STAG1: variants seen among roughly 807,000 people sequenced by gnomAD.
STAG1 encodes the protein STAG1 cohesin complex component, also known as cohesin subunit SA-1.
STAG1 carries 26 observed loss-of-function variants against 170.9 expected under a neutral mutation model. The observed-to-expected ratio is 0.15, with a 90% confidence interval of 0.11 to 0.21. The LOEUF (loss-of-function observed/expected upper bound fraction) is 0.21, where lower values mean the gene tolerates loss of function less well. STAG1 is among the 10% of genes least tolerant of loss of function. The pLI is 1.00. For missense variants in STAG1, 964 were observed against 1,509.5 expected (o/e 0.64, Z 5.99); for synonymous variants, 514 against 497.7 (o/e 1.03, Z -0.44).
At chr3:136,518,289 G>C (rs956200643) in intron 7 of STAG1, 2 of 639,980 alleles carry the variant, frequency 3.1e-6, no homozygotes, top group African/African-American at 1.8e-5. Context: ...GCAATGTCAA[G>C]GAGCATTTTA....
chr3:136,519,376 G>C (rs572424646), intron 7 of STAG1, among the ~76,000 whole-genome samples: 2 of 152,102 alleles, frequency 1.3e-5, no homozygotes, highest in South Asian at 4.1e-4. Context: ...CTTTTAAATG[G>C]TCATTTCACA....
intron 7 of STAG1, among the ~76,000 whole-genome samples, chr3:136,519,842 G>A (rs1934582428): frequency 6.6e-6 from 1 of 151,962 alleles, no homozygotes; most frequent in Non-Finnish European, 1.5e-5. Context: ...TATGAACTGT[G>A]TCTGATGTAT....
At chr3:136,521,460 G>T in intron 6 of STAG1, 43 bp from the exon 7 acceptor site, 1 of 1,564,436 alleles carries the variant, frequency 6.4e-7, no homozygotes, top group South Asian at 1.2e-5. Context: ...TCACATTACA[G>T]AGTTTGATGA....
intron 14 of STAG1, among the ~76,000 whole-genome samples, chr3:136,446,554 C>G (rs987135927): frequency 6.6e-6 from 1 of 151,934 alleles, no homozygotes; most frequent in African/African-American, 2.4e-5. Flanking sequence ...TCCCGAGTAG[C>G]TGAGATGACA....
chr3:136,691,143 C>CA (rs113062770), intron 1 of STAG1, among the ~76,000 whole-genome samples: 9 of 151,158 alleles, frequency 6.0e-5, no homozygotes, highest in South Asian at 4.2e-4. Flanking sequence ...ACAAAAAATA[C>CA]AAAAAAAATT....
chr3:136,686,765 C>G (rs1942545185), intron 1 of STAG1, among the ~76,000 whole-genome samples: 1 of 152,104 alleles, frequency 6.6e-6, no homozygotes, highest in South Asian at 2.1e-4. Flanking sequence ...TGTGTTTTTA[C>G]TTTTCCAGAG....
intron 1 of STAG1, among the ~76,000 whole-genome samples, chr3:136,686,071 G>C (rs1164005429): frequency 6.6e-6 from 1 of 152,146 alleles, no homozygotes; most frequent in Non-Finnish European, 1.5e-5. Flanking sequence ...AGTAAGGCAG[G>C]TGGTTTTAGC....
At chr3:136,426,360 C>T (rs2088124633) in intron 16 of STAG1, among the ~76,000 whole-genome samples, 2 of 152,092 alleles carry the variant, frequency 1.3e-5, no homozygotes, top group South Asian at 2.1e-4. Flanking sequence ...TGCAGTGAGC[C>T]GAGATCGCGC....
chr3:136,569,241 T>C (rs945005536), intron 4 of STAG1, among the ~76,000 whole-genome samples: 9 of 152,002 alleles, frequency 5.9e-5, no homozygotes, highest in Non-Finnish European at 1.2e-4. Context: ...CCACCAGTAG[T>C]GCATAAAAAG....
At chr3:136,733,722 T>A (rs753811124) in intron 1 of STAG1, among the ~76,000 whole-genome samples, 2 of 152,208 alleles carry the variant, frequency 1.3e-5, no homozygotes, top group Admixed American at 1.3e-4. Context: ...AACTAAGGCA[T>A]TGTTTTCCCA....
chr3:136,341,282 G>A (rs1935959478), intron 31 of STAG1, among the ~76,000 whole-genome samples, 159 bp downstream of exon 31: 1 of 152,230 alleles, frequency 6.6e-6, no homozygotes, highest in Admixed American at 6.5e-5. Flanking sequence ...AATGCTGAAA[G>A]TGTTAAGAAC....
chr3:136,676,993 G>A (rs1390518744), intron 1 of STAG1, among the ~76,000 whole-genome samples: 1 of 151,976 alleles, frequency 6.6e-6, no homozygotes, highest in African/African-American at 2.4e-5. Flanking sequence ...AAATTCTTCA[G>A]GAACAGTAAC....
At chr3:136,498,117 G>A (rs1358021008) in intron 9 of STAG1, among the ~76,000 whole-genome samples, 5 of 147,500 alleles carry the variant, frequency 3.4e-5, no homozygotes, top group East Asian at 2.0e-4. Flanking sequence ...ACTTGAACCC[G>A]GGAGGCGGAG....
intron 14 of STAG1, among the ~76,000 whole-genome samples, chr3:136,447,290 G>C (rs1270304809): frequency 6.6e-6 from 1 of 151,662 alleles, no homozygotes; most frequent in African/African-American, 2.4e-5. Context: ...TGGCCAACAT[G>C]GTGAAACCGT....
intron 29 of STAG1, 136 bp from the exon 30 acceptor site, chr3:136,344,142 C>A: frequency 1.7e-6 from 1 of 580,086 alleles, no homozygotes; most frequent in Non-Finnish European, 2.8e-6. Flanking sequence ...CACTTACTTA[C>A]ATGACTTTGT....
chr3:136,403,789 T>C (rs2087404872), intron 21 of STAG1, among the ~76,000 whole-genome samples: 1 of 152,212 alleles, frequency 6.6e-6, no homozygotes, highest in Non-Finnish European at 1.5e-5. Context: ...AGAAGTTTCT[T>C]GTCAGGGGTT....
intron 1 of STAG1, among the ~76,000 whole-genome samples, chr3:136,684,650 T>C (rs759555098): frequency 7.4e-5 from 11 of 148,368 alleles, no homozygotes; most frequent in Admixed American, 1.3e-4. Flanking sequence ...ACTTGGGAGG[T>C]TGAGGTGGGA....
chr3:136,361,809 G>A (rs1560058189), intron 26 of STAG1, among the ~76,000 whole-genome samples: 1 of 151,972 alleles, frequency 6.6e-6, no homozygotes. Context: ...ACGGGGTCTT[G>A]CCATGTTGCC....
intron 4 of STAG1, among the ~76,000 whole-genome samples, chr3:136,571,558 G>A (rs1937266403): frequency 6.6e-6 from 1 of 151,948 alleles, no homozygotes; most frequent in African/African-American, 2.4e-5. Flanking sequence ...GACAGGGCGA[G>A]ACCCTGTCAA....
Sources: gnomAD v4.1 joint callset for allele counts (sites outside exome capture counted in the v4.1 genomes callset) on GRCh38, gnomAD v4.1.1 for gene constraint, MANE v1.5 for transcripts, NCBI Gene and HGNC (gene_info 2026-07-23, HGNC 2026-07-21) for gene names.